Variants in LATS1 observed in about 807,000 individuals in gnomAD.
LATS1 encodes the protein serine/threonine-protein kinase LATS1.
In LATS1, 25 loss-of-function variants were observed where a neutral mutation model predicts 106.6. That is an observed-to-expected ratio of 0.23 (90% CI 0.17 to 0.33). LATS1 has a LOEUF of 0.33. Among genes scored for constraint, LATS1 ranks in the 10% least tolerant of loss-of-function variants. The probability of loss-of-function intolerance (pLI) is 1.00; values close to 1 mark genes in which losing one functional copy is unlikely to be tolerated. For missense variants in LATS1, 1,040 were observed against 1,382.6 expected (o/e 0.75, Z 3.93); for synonymous variants, 465 against 455.6 (o/e 1.02, Z -0.26).
In LATS1 at chr6:149,659,964, G is replaced by A. The variant is rs1255956638; in HGVS notation, c.*1765C>T. The stretch of plus-strand genomic sequence containing the variant: ...TTCATAAGGTCACCTTATATCACAT[G>A]CTACAGACCTTTTCCATCACAAATT... On this transcript the variant is annotated 3_prime_UTR_variant, in exon 8 of 8. Coordinates refer to ENST00000543571, the MANE Select transcript of LATS1 (RefSeq NM_004690.4). 5 of 231,456 alleles carry A rather than the reference G, an allele frequency of 2.2e-5. No individual in the cohort carries two copies. Among genetic ancestry groups the A allele is most frequent in the South Asian group, 1.8e-4 (1 of 5,524 alleles). The allele number at this position is 231,456 out of a possible 1,614,324, so 14.3% of individuals were successfully genotyped here. A position where few individuals can be genotyped will look rare whatever the true frequency, so the allele number is the denominator to read the frequency against.
At chr6:149,695,356 TTC>T in intron 2 of LATS1, 135 bp from the exon 3 acceptor site, 1 of 589,002 alleles carries the variant, frequency 1.7e-6, no homozygotes, top group Non-Finnish European at 2.8e-6. Flanking sequence ...GATATTAATG[TTC>T]TGTTTGTAGC....
At chr6:149,681,680 C>G (rs774307257) in intron 4 of LATS1, among the ~76,000 whole-genome samples, 57 of 152,234 alleles carry the variant, frequency 3.7e-4, no homozygotes, top group Admixed American at 9.8e-4. Flanking sequence ...AATAACAATA[C>G]TGTAAAATCA....
intron 2 of LATS1, among the ~76,000 whole-genome samples, chr6:149,698,664 C>T (rs1371246532): frequency 2.6e-5 from 4 of 152,070 alleles, no homozygotes; most frequent in Non-Finnish European, 5.9e-5. Context: ...GATGATTCTC[C>T]TACCTCAGCC....
At chr6:149,685,099 G>A (rs772662675) in intron 3 of LATS1, among the ~76,000 whole-genome samples, 2 of 151,978 alleles carry the variant, frequency 1.3e-5, no homozygotes, top group Non-Finnish European at 1.5e-5. Flanking sequence ...TTAGCCAGGC[G>A]TGGTGGTGTG....
chr6:149,663,634 T>C (rs117452514), intron 7 of LATS1, among the ~76,000 whole-genome samples: 2,000 of 152,288 alleles, frequency 0.013, 20 homozygotes, highest in Non-Finnish European at 0.02. Context: ...CTATTATTTG[T>C]TCCTTTTAAA....
chr6:149,662,572 A>G (rs1202298486), intron 7 of LATS1, among the ~76,000 whole-genome samples: 1 of 152,154 alleles, frequency 6.6e-6, no homozygotes, highest in African/African-American at 2.4e-5. Context: ...TCCTACTGAA[A>G]TATATCCATT....
intron 3 of LATS1, among the ~76,000 whole-genome samples, chr6:149,685,800 A>T (rs992261349): frequency 1.5e-4 from 18 of 118,630 alleles, no homozygotes; most frequent in Admixed American, 2.0e-4. Flanking sequence ...TCAATAAAAC[A>T]AGCAAAAAAA....
chr6:149,711,897 G>A (rs184723190), intron 1 of LATS1, among the ~76,000 whole-genome samples: 113 of 152,246 alleles, frequency 7.4e-4, no homozygotes, highest in Admixed American at 2.4e-3. Context: ...CGCTTACTGT[G>A]GCCCTTGTGT....
intron 7 of LATS1, among the ~76,000 whole-genome samples, chr6:149,669,822 T>C (rs1781351000): frequency 6.6e-6 from 1 of 151,826 alleles, no homozygotes; most frequent in African/African-American, 2.4e-5. Context: ...GGGACCTATA[T>C]GGCAGTATGG....
At chr6:149,681,652 A>C (rs1015038001) in intron 4 of LATS1, among the ~76,000 whole-genome samples, 2 of 152,246 alleles carry the variant, frequency 1.3e-5, no homozygotes, top group Non-Finnish European at 2.9e-5. Context: ...TTTCTCATTT[A>C]ATAAAATATA....
chr6:149,668,629 A>G (rs1781287684), intron 7 of LATS1, among the ~76,000 whole-genome samples: 1 of 147,300 alleles, frequency 6.8e-6, no homozygotes, highest in East Asian at 2.0e-4. Context: ...TTTTTGGTAG[A>G]GACACTGTCT....
intron 7 of LATS1, among the ~76,000 whole-genome samples, chr6:149,668,344 A>G: frequency 6.6e-6 from 1 of 152,092 alleles, no homozygotes; most frequent in East Asian, 1.9e-4. Context: ...GATGGAAGAG[A>G]CATGATAGAG....
Position 149,696,559 on chromosome 6 carries a change from TAAAAAAAAA to T in LATS1, c.349-1347_349-1339del, listed in dbSNP as rs372769091. Among the ~76,000 whole-genome samples, 8 of 45,820 alleles carry T rather than the reference TAAAAAAAAA, an allele frequency of 1.7e-4. No individual in the cohort carries two copies. The East Asian group carries it at 3.4e-3, about 19-fold the overall frequency. 30.1% of individuals were successfully genotyped at this position (45,820 alleles called of 152,430 possible). On this transcript the variant is annotated intron_variant, in intron 2 of 7. Coordinates refer to ENST00000543571, the MANE Select transcript of LATS1 (RefSeq NM_004690.4). ...GGGCAACAAGAGTAAAACTCCGTCT[TAAAAAAAAA>T]AAAAAAAAAAAAAAAAAAGAACTAC...
chr6:149,670,923 A>C (rs1466932779), intron 7 of LATS1, among the ~76,000 whole-genome samples: 1 of 151,510 alleles, frequency 6.6e-6, no homozygotes, highest in African/African-American at 2.4e-5. Flanking sequence ...GAAAGTTCTT[A>C]GTTTTGATGA....
rs576439941 is a variant in LATS1, at chr6:149,684,655, A to G, written c.497-63T>C. The G allele has an allele frequency of 9.3e-5, 113 of 1,218,826 alleles. 1 individual carries two copies. In the South Asian group the frequency reaches 1.8e-3, roughly 20 times the overall value. 75.5% of individuals were successfully genotyped at this position (1,218,826 alleles called of 1,614,324 possible). On this transcript the variant is annotated intron_variant, in intron 3 of 7. Transcript: ENST00000543571. ...TGTTTTTAACCTCTAATTTTTGAAA[A>G]CCTTAGCTTGCAATTCTGATATTAC...
chr6:149,668,946 G>A (rs1358749751), intron 7 of LATS1, among the ~76,000 whole-genome samples: 1 of 151,736 alleles, frequency 6.6e-6, no homozygotes, highest in East Asian at 1.9e-4. Context: ...AAGTAGCTGG[G>A]ACTGTAGGCA....
At chr6:149,685,244 A>AT (rs1261801384) in intron 3 of LATS1, among the ~76,000 whole-genome samples, 10 of 152,002 alleles carry the variant, frequency 6.6e-5, no homozygotes, top group South Asian at 4.1e-4. Context: ...TCTCAAAAAA[A>AT]ATATATATAT....
chr6:149,662,586 G>T (rs1780931560), intron 7 of LATS1, among the ~76,000 whole-genome samples: 1 of 152,018 alleles, frequency 6.6e-6, no homozygotes, highest in Non-Finnish European at 1.5e-5. Flanking sequence ...ATCCATTAAG[G>T]CTAGGGATTA....
intron 1 of LATS1, among the ~76,000 whole-genome samples, chr6:149,717,434 C>T (rs1212139798): frequency 6.6e-6 from 1 of 152,174 alleles, no homozygotes; most frequent in African/African-American, 2.4e-5. Flanking sequence ...TAAGGTATAC[C>T]CAGGATCAAG....
Sources: allele counts gnomAD v4.1 joint callset (sites outside exome capture counted in the v4.1 genomes callset), GRCh38; gene constraint gnomAD v4.1.1; transcripts MANE v1.5; gene names NCBI Gene and HGNC (gene_info 2026-07-23, HGNC 2026-07-21).